MIGA1: variants seen among roughly 807,000 people sequenced by gnomAD.
MIGA1 encodes family with sequence similarity 73, member A.
A neutral mutation model predicts 82.0 loss-of-function variants in MIGA1; 58 were observed. The observed-to-expected ratio is 0.71, with a 90% CI of 0.57 to 0.88. The LOEUF is 0.88. Among genes scored for constraint, MIGA1 ranks in the 40% least tolerant of loss-of-function variants. The probability of loss-of-function intolerance (pLI) is 0.00; values close to 1 mark genes in which losing one functional copy is unlikely to be tolerated. For synonymous variants in MIGA1, 249 were observed against 253.6 expected, an observed-to-expected ratio of 0.98 and a Z score of 0.17; for missense variants, 751 against 749.1, an observed-to-expected ratio of 1.00 and a Z score of -0.03.
chr1:77,871,579 C>G (rs1571027210), intron 14 of MIGA1, among the ~76,000 whole-genome samples: 1 of 152,110 alleles, frequency 6.6e-6, no homozygotes, highest in South Asian at 2.1e-4. Flanking sequence ...CCCCCGCCCC[C>G]CAGGAGACAG....
Position 77,874,892 on chromosome 1 carries a change from T to TGC in MIGA1, c.1730_1731dup (p.Tyr578AlafsTer8). The TGC allele has an allele frequency of 6.2e-7, 1 of 1,614,102 alleles. No individual in the cohort carries two copies. Among genetic ancestry groups the TGC allele is most frequent in the Non-Finnish European group, 8.5e-7 (1 of 1,180,000 alleles). ...AAAGACATTTTTGACTTTGAGAAGG[T>TGC]GCGCTATTCAAGTACAGAGACTTTA... is the stretch of plus-strand genomic sequence containing the variant. On this transcript the variant is annotated frameshift_variant, in exon 16 of 16. Coordinates refer to ENST00000370791, the MANE Select transcript of MIGA1 (RefSeq NM_198549.4). LOFTEE classifies it high-confidence loss of function.
intron 4 of MIGA1, among the ~76,000 whole-genome samples, chr1:77,806,134 A>C (rs577043574): frequency 1.3e-5 from 2 of 152,330 alleles, no homozygotes; most frequent in African/African-American, 4.8e-5. Context: ...TTCATTTCAG[A>C]AGCAGCATAA....
At chr1:77,809,456 C>G (rs921966879) in intron 5 of MIGA1, among the ~76,000 whole-genome samples, 3 of 151,980 alleles carry the variant, frequency 2.0e-5, no homozygotes, top group Non-Finnish European at 4.4e-5. Context: ...TTCCTGAAGC[C>G]AAGTGTGGTG....
chr1:77,861,681 G>T (rs893175475), intron 12 of MIGA1: 2 of 190,468 alleles, frequency 1.1e-5, no homozygotes, highest in Non-Finnish European at 2.1e-5. Context: ...AGCTCAGTAG[G>T]GCTGGGGAAT....
intron 7 of MIGA1, among the ~76,000 whole-genome samples, chr1:77,842,108 T>A (rs913374670): frequency 2.0e-5 from 3 of 152,150 alleles, no homozygotes; most frequent in Admixed American, 2.0e-4. Context: ...AAGAAGATAG[T>A]GTCTGACAAA....
At chr1:77,813,915 A>G in intron 6 of MIGA1, 48 bp downstream of exon 6, 3 of 1,597,932 alleles carry the variant, frequency 1.9e-6, no homozygotes, top group Non-Finnish European at 2.6e-6. Flanking sequence ...GAAGAATCAA[A>G]CTTTTTTTTT....
intron 4 of MIGA1, among the ~76,000 whole-genome samples, chr1:77,804,997 T>C (rs1359302812): frequency 6.9e-6 from 1 of 144,798 alleles, no homozygotes; most frequent in Non-Finnish European, 1.5e-5. Context: ...ATATTTCTTT[T>C]TTTTTTTTTT....
At chr1:77,827,620 G>A (rs1684083623) in intron 7 of MIGA1, among the ~76,000 whole-genome samples, 1 of 152,180 alleles carries the variant, frequency 6.6e-6, no homozygotes, top group Non-Finnish European at 1.5e-5. Flanking sequence ...GAAGGAGTGA[G>A]ATCCAGAGCA....
At chr1:77,783,591 A>G (rs1682016224) in intron 2 of MIGA1, among the ~76,000 whole-genome samples, 1 of 152,192 alleles carries the variant, frequency 6.6e-6, no homozygotes, top group Non-Finnish European at 1.5e-5. Flanking sequence ...AAACTTACAT[A>G]GTCCATTATT....
chr1:77,812,945 T>C (rs1351657107), intron 5 of MIGA1, among the ~76,000 whole-genome samples: 1 of 152,160 alleles, frequency 6.6e-6, no homozygotes, highest in East Asian at 1.9e-4. Context: ...GAAAAGGCTT[T>C]TATTTTAGAC....
At chr1:77,858,319 C>G (rs929855674) in intron 8 of MIGA1, among the ~76,000 whole-genome samples, 3 of 151,702 alleles carry the variant, frequency 2.0e-5, no homozygotes, top group Non-Finnish European at 4.4e-5. Context: ...TGTACTCCAG[C>G]CTGGGTGACA....
chr1:77,832,538 G>A (rs1023215800), intron 7 of MIGA1, among the ~76,000 whole-genome samples: 6 of 152,216 alleles, frequency 3.9e-5, no homozygotes, highest in South Asian at 4.1e-4. Flanking sequence ...TCATGGGAAC[G>A]TTTCACAGGA....
chr1:77,843,312 G>A lies in MIGA1; in HGVS notation c.901G>A (p.Asp301Asn), dbSNP rs1363757115. 3 of 1,608,166 alleles carry A rather than the reference G, an allele frequency of 1.9e-6. No homozygotes were observed. In the African/African-American group the frequency reaches 4.0e-5, roughly 21 times the overall value. ...TTTCACCTTTTACTTTTAAGATAAA[G>A]ATACAGATATCACCATGAAGGGTAA... The change falls in exon 8 of 16, where the codon GAT (aspartate) becomes AAT (asparagine). Residue 301 changes from aspartate (D) to asparagine (N), a missense_variant. By Grantham distance (23) the Asp-to-Asn change is conservative (BLOSUM62 1). Around this residue, in one of 3 missense-constraint regions of MIGA1, gnomAD observed 482 missense variants for 439.4 expected, o/e 1.10. Coordinates refer to ENST00000370791, the MANE Select transcript of MIGA1 (RefSeq NM_198549.4).
chr1:77,821,725 C>T (rs933170041), intron 7 of MIGA1, among the ~76,000 whole-genome samples: 4 of 152,024 alleles, frequency 2.6e-5, no homozygotes, highest in African/African-American at 9.7e-5. Flanking sequence ...TGACATCTAA[C>T]GTATTAATTA....
chr1:77,807,584 A>G (rs1186713083), intron 5 of MIGA1, among the ~76,000 whole-genome samples: 1 of 152,214 alleles, frequency 6.6e-6, no homozygotes, highest in Non-Finnish European at 1.5e-5. Context: ...AACTAATACA[A>G]CAAAATTAAA....
At position 77,861,264 on chromosome 1, in the gene MIGA1, AT is replaced by A; in HGVS notation, c.1322del (p.Leu441Ter). ...GAAGATGTTTTTGATGAAATGATCTATTTTTTAGAGCAGACCGATCACTGGG... is the reference window on the plus strand; with the variant it reads ...GAAGATGTTTTTGATGAAATGATCTATTTTTAGAGCAGACCGATCACTGGG... On this transcript the variant is annotated frameshift_variant, in exon 12 of 16. Transcript: ENST00000370791. LOFTEE classifies it high-confidence loss of function. 1 of 1,613,634 alleles carries A rather than the reference AT, an allele frequency of 6.2e-7. No homozygotes were observed. Among genetic ancestry groups the A allele is most frequent in the South Asian group, 1.1e-5 (1 of 90,970 alleles).
chr1:77,809,982 A>G (rs1441485906), intron 5 of MIGA1, among the ~76,000 whole-genome samples: 2 of 152,142 alleles, frequency 1.3e-5, no homozygotes, highest in Non-Finnish European at 2.9e-5. Flanking sequence ...AGGTTTCACA[A>G]TCAGTTGTCA....
chr1:77,817,288 T>G (rs949526591), intron 7 of MIGA1, among the ~76,000 whole-genome samples: 2 of 152,050 alleles, frequency 1.3e-5, no homozygotes, highest in Non-Finnish European at 2.9e-5. Flanking sequence ...GTTTTTGGGG[T>G]CTTAGTTTTG....
At chr1:77,849,025 T>G (rs1456356330) in intron 8 of MIGA1, among the ~76,000 whole-genome samples, 3 of 152,216 alleles carry the variant, frequency 2.0e-5, no homozygotes, top group Non-Finnish European at 4.4e-5. Flanking sequence ...AATACCACAT[T>G]CTTTGTTGTA....
Sources: allele counts gnomAD v4.1 joint callset (sites outside exome capture counted in the v4.1 genomes callset), GRCh38; gene constraint gnomAD v4.1.1; regional missense constraint gnomAD v4.1.1; transcripts MANE v1.5; gene names NCBI Gene and HGNC (gene_info 2026-07-23, HGNC 2026-07-21).